IMPG2: variants seen among roughly 807,000 people sequenced by gnomAD.
IMPG2 encodes IPM 200.
Under a neutral mutation model 129.2 loss-of-function variants are expected in IMPG2, and 91 were observed. The observed-to-expected ratio is 0.70, with a 90% CI of 0.59 to 0.84. The LOEUF (loss-of-function observed/expected upper bound fraction) is 0.84, where lower values mean the gene tolerates loss of function less well. IMPG2 is among the 40% of genes least tolerant of loss of function. IMPG2 has a pLI of 0.00. For synonymous variants in IMPG2, 510 were observed against 517.7 expected (o/e 0.99, Z 0.20); for missense variants, 1,430 against 1,461.7 (o/e 0.98, Z 0.35).
intron 2 of IMPG2, among the ~76,000 whole-genome samples, chr3:101,308,463 T>A (rs1368516052): frequency 2.6e-5 from 4 of 152,370 alleles, no homozygotes; most frequent in African/African-American, 9.6e-5. Context: ...CAACACCACA[T>A]GTAAGCTGCC....
chr3:101,232,842 G>C lies in IMPG2; in HGVS notation c.3172C>G (p.Pro1058Ala), dbSNP rs1176943043. The change falls in exon 15 of 19, where the codon CCT (proline) becomes GCT (alanine). Residue 1058 changes from proline (P) to alanine (A), a missense_variant. Transcript: ENST00000193391. The stretch of plus-strand genomic sequence containing the variant: ...TTTCCATCATTCAAGCAGAAGTCAG[G>C]CTGTAGGTCACAGAGACTCTGACAG... The part of the protein sequence containing the change: ...RPCQSLCDLQ[P>A]DFCLNDGKCD... 14 of 1,613,438 alleles carry C rather than the reference G, an allele frequency of 8.7e-6. No individual in the cohort carries two copies. The highest frequency in any genetic ancestry group is 1.2e-5 in the Non-Finnish European group (14 of 1,179,928).
In IMPG2 at chr3:101,304,323, G is replaced by C; in HGVS notation, c.335-11C>G. 6.2e-7 allele frequency: 1 copy of C among 1,613,316 alleles called. No homozygotes were observed. The highest frequency in any genetic ancestry group is 8.5e-7 in the Non-Finnish European group (1 of 1,179,326). Reference sequence around the variant, plus strand: ...CAGCTTCCTGACACACTAGAAAATAGAGAGGTGTTTTTTTACAAAAAGCTA... The same window carrying C: ...CAGCTTCCTGACACACTAGAAAATACAGAGGTGTTTTTTTACAAAAAGCTA... On this transcript the variant is annotated splice_polypyrimidine_tract_variant and intron_variant, in intron 2 of 18. Transcript: ENST00000193391.
intron 11 of IMPG2, 67 bp downstream of exon 11, chr3:101,253,629 A>G: frequency 9.7e-7 from 1 of 1,029,036 alleles, no homozygotes; most frequent in Non-Finnish European, 1.5e-6. Flanking sequence ...ATGCCAAAGT[A>G]AGCAGGTGCA....
intron 11 of IMPG2, among the ~76,000 whole-genome samples, chr3:101,247,704 G>A (rs1706497504): frequency 6.6e-6 from 1 of 152,184 alleles, no homozygotes; most frequent in South Asian, 2.1e-4. Context: ...TCTGGGAGGG[G>A]AACCTAGACA....
intron 5 of IMPG2, among the ~76,000 whole-genome samples, chr3:101,276,042 G>A (rs1172925009): frequency 6.6e-6 from 1 of 152,052 alleles, no homozygotes; most frequent in Non-Finnish European, 1.5e-5. Flanking sequence ...TCTAGTAAAG[G>A]GGACACATAC....
chr3:101,308,025 C>G (rs967443930), intron 2 of IMPG2, among the ~76,000 whole-genome samples: 4 of 152,204 alleles, frequency 2.6e-5, no homozygotes, highest in African/African-American at 9.6e-5. Flanking sequence ...CCAAAATGAT[C>G]TCTTCTGACT....
chr3:101,244,191 C>T lies in IMPG2; in HGVS notation c.2140G>A (p.Asp714Asn), dbSNP rs773118241. The T allele has an allele frequency of 6.2e-7, 1 of 1,613,948 alleles. No homozygotes were observed. The highest frequency in any genetic ancestry group is 8.5e-7 in the Non-Finnish European group (1 of 1,179,980). ...KHISEVPGVDDYSVTKAPLIL... is the reference protein window; with the variant it reads ...KHISEVPGVDNYSVTKAPLIL... ...AGAGGTGCTTTGGTAACTGAGTAATCATCAACACCAGGTACTTCTGATATG... is the reference window on the plus strand; with the variant it reads ...AGAGGTGCTTTGGTAACTGAGTAATTATCAACACCAGGTACTTCTGATATG... Residue 714 changes from aspartate to asparagine, a missense_variant, in exon 13 of 19, where the codon GAT becomes AAT. Coordinates refer to ENST00000193391, the MANE Select transcript of IMPG2 (RefSeq NM_016247.4).
At chr3:101,229,300 A>ACCCCCC in intron 17 of IMPG2, 80 bp downstream of exon 17, 6 of 859,112 alleles carry the variant, frequency 7.0e-6, no homozygotes, top group East Asian at 2.9e-5. Context: ...ACTCATACAC[A>ACCCCCC]CCCCCACCCA....
At chr3:101,272,480 CAG>C (rs368704359) in intron 7 of IMPG2, among the ~76,000 whole-genome samples, 11 of 152,188 alleles carry the variant, frequency 7.2e-5, no homozygotes, top group African/African-American at 2.4e-4. Flanking sequence ...AGATATTTTT[CAG>C]AGTGTTTATT....
At chr3:101,274,714 T>C (rs1297674016) in intron 6 of IMPG2, among the ~76,000 whole-genome samples, 1 of 152,372 alleles carries the variant, frequency 6.6e-6, no homozygotes, top group South Asian at 2.1e-4. Context: ...AAGTGAATTA[T>C]ATCTCATTCT....
chr3:101,257,524 C>T lies in IMPG2; in HGVS notation c.1153+5G>A. On this transcript the variant is annotated splice_donor_5th_base_variant and intron_variant, in intron 10 of 18. Transcript: ENST00000193391. ...CAAGGACTTCATGATGGATATCAAA[C>T]TCACCATTGATAAGCTGCAGGGAAT... is the stretch of plus-strand genomic sequence containing the variant. 2 of 1,613,174 alleles carry T rather than the reference C, an allele frequency of 1.2e-6. No individual in the cohort carries two copies. Among genetic ancestry groups the T allele is most frequent in the Admixed American group, 1.7e-5 (1 of 59,938 alleles).
chr3:101,248,214 G>C (rs922390959), intron 11 of IMPG2, among the ~76,000 whole-genome samples: 1 of 152,152 alleles, frequency 6.6e-6, no homozygotes, highest in Admixed American at 6.5e-5. Flanking sequence ...TGAATCATGG[G>C]GGCAGGTCTT....
At chr3:101,291,254 C>T (rs939676647) in intron 4 of IMPG2, among the ~76,000 whole-genome samples, 5 of 152,112 alleles carry the variant, frequency 3.3e-5, no homozygotes, top group Non-Finnish European at 7.4e-5. Flanking sequence ...GCAAGTTTGC[C>T]TCATAATAAG....
At chr3:101,259,615 C>T (rs1417206972) in intron 9 of IMPG2, among the ~76,000 whole-genome samples, 1 of 151,066 alleles carries the variant, frequency 6.6e-6, no homozygotes, top group Non-Finnish European at 1.5e-5. Flanking sequence ...AAAACCGCAG[C>T]ACAATCAAGG....
intron 4 of IMPG2, among the ~76,000 whole-genome samples, chr3:101,279,740 C>T (rs992660519): frequency 6.6e-6 from 1 of 152,180 alleles, no homozygotes; most frequent in Non-Finnish European, 1.5e-5. Context: ...TCTAACTAAG[C>T]AAACATTCAG....
In IMPG2 at chr3:101,304,139, C is replaced by T. The variant is rs1344296435; in HGVS notation, c.501+7G>A. 3 of 1,613,500 alleles carry T rather than the reference C, an allele frequency of 1.9e-6. No individual in the cohort carries two copies. The African/African-American group carries it at 4.0e-5, about 22-fold the overall frequency. ...CCAGGAATCCCTTCCTTTGTTGTGA[C>T]ACTTACCTTCATGATTAAGCTTCTA... On this transcript the variant is annotated splice_region_variant and intron_variant, in intron 3 of 18. Coordinates refer to ENST00000193391, the MANE Select transcript of IMPG2 (RefSeq NM_016247.4).
At chr3:101,250,166 A>C (rs751118971) in intron 11 of IMPG2, among the ~76,000 whole-genome samples, 8 of 152,324 alleles carry the variant, frequency 5.3e-5, no homozygotes, top group Non-Finnish European at 8.8e-5. Flanking sequence ...ACCTGTGTGC[A>C]GAGTGCTCCT....
Position 101,232,930 on chromosome 3 carries a change from G to T in IMPG2, c.3084C>A (p.Asn1028Lys). 3 of 1,613,986 alleles carry T rather than the reference G, an allele frequency of 1.9e-6. No homozygotes were observed. Among genetic ancestry groups the T allele is most frequent in the Middle Eastern group, 1.6e-4 (1 of 6,062 alleles). The change falls in exon 15 of 19, where the codon AAC (asparagine) becomes AAA (lysine). Residue 1028 changes from asparagine (N) to lysine (K), a missense_variant. Transcript: ENST00000193391. The stretch of plus-strand genomic sequence containing the variant: ...TGCACTTTGCTTCTCCACTCCAGGG[G>T]TTGACCAGACACTCTGAAAATTCAT... ...ACNEFSECLVNPWSGEAKCRC... is the reference protein window; with the variant it reads ...ACNEFSECLVKPWSGEAKCRC...
At chr3:101,292,799 A>G (rs1233185512) in intron 3 of IMPG2, among the ~76,000 whole-genome samples, 1 of 152,220 alleles carries the variant, frequency 6.6e-6, no homozygotes, top group Non-Finnish European at 1.5e-5. Flanking sequence ...AGTTTATCTA[A>G]TAGTCTAAAT....
Sources: gnomAD v4.1 joint callset for allele counts (sites outside exome capture counted in the v4.1 genomes callset) on GRCh38, gnomAD v4.1.1 for gene constraint, MANE v1.5 for transcripts, NCBI Gene and HGNC (gene_info 2026-07-23, HGNC 2026-07-21) for gene names.